Variants in GPC5 observed in about 807,000 individuals in gnomAD.
The protein encoded by GPC5 is glypican-5.
Under a neutral mutation model 53.9 loss-of-function variants are expected in GPC5, and 47 were observed. The observed-to-expected ratio is 0.87, with a 90% CI of 0.69 to 1.11. The LOEUF (loss-of-function observed/expected upper bound fraction) is 1.11. Among genes scored for constraint, GPC5 ranks in the 50% most tolerant of loss-of-function variants. The pLI is 0.00. For missense variants in GPC5, 748 were observed against 713.1 expected (o/e 1.05, Z -0.56); for synonymous variants, 286 against 263.3 (o/e 1.09, Z -0.84).
intron 6 of GPC5, among the ~76,000 whole-genome samples, chr13:92,071,283 T>C (rs1255880886): frequency 6.6e-6 from 1 of 152,184 alleles, no homozygotes; most frequent in Non-Finnish European, 1.5e-5. Flanking sequence ...TTTAATTTTT[T>C]GTTACAAATA....
chr13:91,529,414 A>G (rs1886235002), intron 2 of GPC5, among the ~76,000 whole-genome samples: 1 of 152,212 alleles, frequency 6.6e-6, no homozygotes, highest in South Asian at 2.1e-4. Flanking sequence ...AAGCTTTGGA[A>G]TGATACCTAG....
chr13:92,221,127 C>T (rs1303159250), intron 7 of GPC5, among the ~76,000 whole-genome samples: 1 of 152,190 alleles, frequency 6.6e-6, no homozygotes, highest in Non-Finnish European at 1.5e-5. Context: ...TCCCTGATGT[C>T]TGTCTCAGAG....
rs2042073936 is a variant in GPC5, at chr13:92,172,014, C to T, written c.1561+27025C>T. On this transcript the variant is annotated intron_variant, in intron 7 of 7. Transcript: ENST00000377067. Reference sequence around the variant, plus strand: ...AACCCATTAACCAGATTTTAAATGCCAGTTCGCTTGTTTGTACCTACAATA... The same window carrying T: ...AACCCATTAACCAGATTTTAAATGCTAGTTCGCTTGTTTGTACCTACAATA... 2.0e-5 allele frequency among the ~76,000 whole-genome samples: 3 copies of T among 152,222 alleles called. No individual in the cohort carries two copies. In the South Asian group the frequency reaches 6.2e-4, roughly 31 times the overall value.
At chr13:91,889,284 C>G (rs1390951975) in intron 5 of GPC5, among the ~76,000 whole-genome samples, 1 of 152,116 alleles carries the variant, frequency 6.6e-6, no homozygotes, top group Non-Finnish European at 1.5e-5. Flanking sequence ...TACCATCTTA[C>G]ATGATTTTCA....
chr13:91,949,728 A>C (rs536111573), intron 6 of GPC5, among the ~76,000 whole-genome samples: 1 of 152,346 alleles, frequency 6.6e-6, no homozygotes, highest in Non-Finnish European at 1.5e-5. Flanking sequence ...TGCAGGTACA[A>C]AAGCAAAAAA....
chr13:92,045,287 G>T (rs2040973090), intron 6 of GPC5, among the ~76,000 whole-genome samples: 1 of 152,160 alleles, frequency 6.6e-6, no homozygotes, highest in Non-Finnish European at 1.5e-5. Flanking sequence ...ATCAATGTGG[G>T]TATATAGAAG....
At chr13:92,339,274 C>T (rs2043346974) in intron 7 of GPC5, among the ~76,000 whole-genome samples, 1 of 151,730 alleles carries the variant, frequency 6.6e-6, no homozygotes, top group African/African-American at 2.4e-5. Flanking sequence ...GTAATAAAGA[C>T]AGTCCTCAGG....
intron 7 of GPC5, among the ~76,000 whole-genome samples, chr13:92,359,136 C>T (rs2043545937): frequency 6.6e-6 from 1 of 151,720 alleles, no homozygotes; most frequent in African/African-American, 2.4e-5. Flanking sequence ...AGGAGCCAGA[C>T]CACATCTTGA....
intron 7 of GPC5, among the ~76,000 whole-genome samples, chr13:92,162,109 T>C (rs1485991597): frequency 6.8e-5 from 10 of 146,992 alleles, no homozygotes; most frequent in Non-Finnish European, 1.5e-4. Context: ...GTATATTCTA[T>C]GGAATCCTGT....
At chr13:92,563,702 A>G (rs924361360) in intron 7 of GPC5, among the ~76,000 whole-genome samples, 3 of 152,052 alleles carry the variant, frequency 2.0e-5, no homozygotes, top group Admixed American at 1.3e-4. Context: ...AGTGGTAAAT[A>G]GGATTAAGTT....
chr13:92,796,518 G>C (rs1876690417), intron 7 of GPC5, among the ~76,000 whole-genome samples: 1 of 151,630 alleles, frequency 6.6e-6, no homozygotes, highest in South Asian at 2.1e-4. Context: ...TAAAAAGCAG[G>C]GGAGCTGAAA....
intron 7 of GPC5, among the ~76,000 whole-genome samples, chr13:92,679,966 C>G (rs1292481427): frequency 7.0e-6 from 1 of 143,060 alleles, no homozygotes; most frequent in Non-Finnish European, 1.5e-5. Flanking sequence ...AAGCAGCGAT[C>G]TCTAAGGTAA....
intron 7 of GPC5, among the ~76,000 whole-genome samples, chr13:92,644,790 A>G (rs560278259): frequency 6.6e-6 from 1 of 152,238 alleles, no homozygotes; most frequent in African/African-American, 2.4e-5. Flanking sequence ...GCTTTCTGTT[A>G]CAATTAACAT....
chr13:92,261,081 T>C (rs886544857), intron 7 of GPC5, among the ~76,000 whole-genome samples: 1 of 152,170 alleles, frequency 6.6e-6, no homozygotes, highest in African/African-American at 2.4e-5. Context: ...ATTATAACCA[T>C]GTTGTAAGCA....
At chr13:92,841,675 G>A (rs1878432926) in intron 7 of GPC5, among the ~76,000 whole-genome samples, 2 of 152,048 alleles carry the variant, frequency 1.3e-5, no homozygotes, top group African/African-American at 4.8e-5. Flanking sequence ...TTCCTGGGTT[G>A]TCTCATAAAA....
At chr13:92,138,815 G>A (rs1193241967) in intron 6 of GPC5, among the ~76,000 whole-genome samples, 1 of 152,080 alleles carries the variant, frequency 6.6e-6, no homozygotes, top group African/African-American at 2.4e-5. Flanking sequence ...AGGGATTGGA[G>A]GAGAGGAATA....
At chr13:91,937,810 G>T (rs1230275964) in intron 6 of GPC5, among the ~76,000 whole-genome samples, 2 of 151,986 alleles carry the variant, frequency 1.3e-5, no homozygotes, top group African/African-American at 4.8e-5. Context: ...ATGGCTCAAA[G>T]ATCTAAGACA....
intron 7 of GPC5, among the ~76,000 whole-genome samples, chr13:92,412,588 A>G (rs1876094864): frequency 6.6e-6 from 1 of 152,162 alleles, no homozygotes; most frequent in African/African-American, 2.4e-5. Flanking sequence ...GTCTCCATAA[A>G]TTTTTATTGA....
chr13:91,772,657 A>G (rs1405417080), intron 5 of GPC5, among the ~76,000 whole-genome samples: 1 of 152,226 alleles, frequency 6.6e-6, no homozygotes, highest in East Asian at 1.9e-4. Context: ...TATAAGATTA[A>G]GGAGAAATGC....
Sources: gnomAD v4.1 joint callset for allele counts (sites outside exome capture counted in the v4.1 genomes callset) on GRCh38, gnomAD v4.1.1 for gene constraint, MANE v1.5 for transcripts, NCBI Gene and HGNC (gene_info 2026-07-23, HGNC 2026-07-21) for gene names.